CAMTA1: variants seen among roughly 807,000 people sequenced by gnomAD.
CAMTA1 encodes calmodulin-binding transcription activator 1.
CAMTA1 carries 27 observed loss-of-function variants against 170.9 expected under a neutral mutation model. The ratio of observed to expected loss-of-function variants is 0.16; its 90% CI spans 0.12 to 0.22. CAMTA1 has a LOEUF of 0.22. CAMTA1 is among the 10% of genes least tolerant of loss of function. CAMTA1 has a pLI of 1.00. For missense variants in CAMTA1, 1,619 were observed against 2,217.2 expected (o/e 0.73, Z 5.42); for synonymous variants, 833 against 891.5 (o/e 0.93, Z 1.17).
chr1:7,272,692 CAAAAAAAAAAA>C (rs371588178), intron 5 of CAMTA1, among the ~76,000 whole-genome samples: 4 of 38,802 alleles, frequency 1.0e-4, no homozygotes, highest in African/African-American at 1.9e-4. Context: ...TAAACACATG[CAAAAAAAAAAA>C]AAAAAAAAAA....
intron 5 of CAMTA1, among the ~76,000 whole-genome samples, chr1:7,387,163 A>C (rs2088104001): frequency 6.6e-6 from 1 of 151,058 alleles, no homozygotes; most frequent in Non-Finnish European, 1.5e-5. Flanking sequence ...TCTCCCACAA[A>C]TCCATTACTC....
At chr1:7,218,689 C>T (rs963505854) in intron 4 of CAMTA1, among the ~76,000 whole-genome samples, 2 of 152,150 alleles carry the variant, frequency 1.3e-5, no homozygotes, top group Non-Finnish European at 2.9e-5. Context: ...TCTCTTTCTT[C>T]AGGTAATTGT....
At chr1:7,394,714 A>G (rs934354761) in intron 5 of CAMTA1, among the ~76,000 whole-genome samples, 3 of 151,386 alleles carry the variant, frequency 2.0e-5, no homozygotes, top group East Asian at 1.9e-4. Context: ...CCATTTGTCT[A>G]TTGTTCCTTT....
intron 1 of CAMTA1, among the ~76,000 whole-genome samples, chr1:6,802,054 A>G (rs1643910982): frequency 6.6e-6 from 1 of 152,240 alleles, no homozygotes; most frequent in South Asian, 2.1e-4. Flanking sequence ...CCCATGAGCC[A>G]CACAGTTTAG....
chr1:7,437,576 A>T (rs557341650), intron 5 of CAMTA1, among the ~76,000 whole-genome samples: 2 of 152,326 alleles, frequency 1.3e-5, no homozygotes, highest in Admixed American at 6.5e-5. Context: ...AAATTAGGCC[A>T]CATTCTGAGG....
At chr1:7,155,898 A>G (rs1646850288) in intron 4 of CAMTA1, among the ~76,000 whole-genome samples, 1 of 152,158 alleles carries the variant, frequency 6.6e-6, no homozygotes, top group Admixed American at 6.5e-5. Flanking sequence ...TTCTTCATTC[A>G]TTCAGTTCCA....
At chr1:7,347,825 C>G (rs372038871) in intron 5 of CAMTA1, among the ~76,000 whole-genome samples, 1 of 152,198 alleles carries the variant, frequency 6.6e-6, no homozygotes, top group South Asian at 2.1e-4. Flanking sequence ...CCTTTTCCGC[C>G]TCTCCTAAGG....
intron 6 of CAMTA1, among the ~76,000 whole-genome samples, chr1:7,615,050 C>T (rs76913200): frequency 0.028 from 4,336 of 152,356 alleles, 91 homozygotes; most frequent in Non-Finnish European, 0.043. Flanking sequence ...TTCATTCATT[C>T]ACTCATTCGT....
intron 6 of CAMTA1, among the ~76,000 whole-genome samples, chr1:7,601,079 C>A (rs1466769234): frequency 6.6e-6 from 1 of 151,834 alleles, no homozygotes; most frequent in Non-Finnish European, 1.5e-5. Context: ...GTGCCCCTCA[C>A]CTCCCGGAAG....
Position 7,221,223 on chromosome 1 carries a change from C to CT in CAMTA1, c.303-28254dup, listed in dbSNP as rs5772270. On this transcript the variant is annotated intron_variant, in intron 4 of 22. Coordinates refer to ENST00000303635, the MANE Select transcript of CAMTA1 (RefSeq NM_015215.4). ...GGGGCCTTTTCCCCAGAGCCTTATT[C>CT]TTTTTTTTTTTTTTAATCTTTAGAC... 1.9e-3 allele frequency among the ~76,000 whole-genome samples: 276 copies of CT among 144,456 alleles called. 1 individual carries two copies. Among genetic ancestry groups the CT allele is most frequent in the South Asian group, 0.012 (54 of 4,484 alleles). 94.8% of individuals were successfully genotyped at this position (144,456 alleles called of 152,430 possible). A position where few individuals can be genotyped will look rare whatever the true frequency, so the allele number is the denominator to read the frequency against.
chr1:7,661,691 G>A (rs567540050), intron 7 of CAMTA1, 35 bp from the exon 8 acceptor site: 100 of 1,612,702 alleles, frequency 6.2e-5, no homozygotes, highest in Admixed American at 1.0e-4. Flanking sequence ...CTGCACCCAC[G>A]GGCTCTGACA....
At chr1:7,702,270 G>T (rs1321514111) in intron 11 of CAMTA1, among the ~76,000 whole-genome samples, 1 of 152,152 alleles carries the variant, frequency 6.6e-6, no homozygotes, top group African/African-American at 2.4e-5. Context: ...GAGGGGTCAT[G>T]GGTACCCCTG....
intron 3 of CAMTA1, among the ~76,000 whole-genome samples, chr1:6,945,722 T>G (rs939668146): frequency 2.0e-5 from 3 of 152,206 alleles, no homozygotes; most frequent in Non-Finnish European, 4.4e-5. Context: ...ATTTGCCTAT[T>G]CTGGACATTT....
chr1:7,061,386 C>G (rs964062804), intron 3 of CAMTA1, among the ~76,000 whole-genome samples: 1 of 152,190 alleles, frequency 6.6e-6, no homozygotes, highest in African/African-American at 2.4e-5. Context: ...TGGCTGCTGG[C>G]GAGCGGGTGT....
intron 3 of CAMTA1, among the ~76,000 whole-genome samples, chr1:6,966,636 G>T (rs1691604383): frequency 1.7e-5 from 2 of 120,046 alleles, no homozygotes; most frequent in African/African-American, 3.2e-5. Context: ...TAGAGACAGA[G>T]TCTTGCTTTG....
In CAMTA1 at chr1:7,585,758, T is replaced by C. The variant is rs1348542765; in HGVS notation, c.511-54642T>C. Among the ~76,000 whole-genome samples, 1 of 150,878 alleles carries C rather than the reference T, an allele frequency of 6.6e-6. No individual in the cohort carries two copies. Among genetic ancestry groups the C allele is most frequent in the Non-Finnish European group, 1.5e-5 (1 of 67,988 alleles). On this transcript the variant is annotated intron_variant, in intron 6 of 22. Transcript: ENST00000303635. The surrounding 1 kb of genome is among the most constrained non-coding windows in gnomAD (Gnocchi z 4.8). ...CATACATCCTAGAGGGGGGCTCTCTTGTGGACAGACAGGCCAGAGACACGG... is the reference window on the plus strand; with the variant it reads ...CATACATCCTAGAGGGGGGCTCTCTCGTGGACAGACAGGCCAGAGACACGG...
intron 6 of CAMTA1, among the ~76,000 whole-genome samples, chr1:7,475,407 A>G (rs2093404817): frequency 6.6e-6 from 1 of 152,072 alleles, no homozygotes; most frequent in African/African-American, 2.4e-5. Flanking sequence ...GGACATTTGG[A>G]CCCATGTGCT....
At chr1:7,297,877 A>G (rs147140778) in intron 5 of CAMTA1, among the ~76,000 whole-genome samples, 1 of 152,226 alleles carries the variant, frequency 6.6e-6, no homozygotes, top group Non-Finnish European at 1.5e-5. Context: ...TAGTTTCATG[A>G]TTGTTTACAG....
chr1:7,691,242 C>A (rs1479025542), intron 11 of CAMTA1, among the ~76,000 whole-genome samples: 2 of 152,170 alleles, frequency 1.3e-5, no homozygotes, highest in Non-Finnish European at 2.9e-5. Context: ...GCAGGAATGG[C>A]ACGCGCAGAA....
Sources: allele counts gnomAD v4.1 joint callset (sites outside exome capture counted in the v4.1 genomes callset), GRCh38; gene constraint gnomAD v4.1.1; non-coding constraint Gnocchi (gnomAD v3.1); transcripts MANE v1.5; gene names NCBI Gene and HGNC (gene_info 2026-07-23, HGNC 2026-07-21).